Variants in DMRT2 observed in about 807,000 individuals in gnomAD.
The protein encoded by DMRT2 is doublesex- and mab-3-related transcription factor 2.
DMRT2 carries 33 observed loss-of-function variants against 43.5 expected under a neutral mutation model. The ratio of observed to expected loss-of-function variants is 0.76; its 90% CI spans 0.58 to 1.01. The LOEUF is 1.01. DMRT2 is among the 50% of genes least tolerant of loss of function. The pLI is 0.00. For synonymous variants in DMRT2, 395 were observed against 309.2 expected (o/e 1.28, Z -2.91); for missense variants, 1,064 against 748.0 (o/e 1.42, Z -4.93).
At chr9:1,055,639 T>TCGG (rs1821925993) in intron 3 of DMRT2, 1 of 1,306,500 alleles carries the variant, frequency 7.7e-7, no homozygotes, top group Admixed American at 3.4e-5. Flanking sequence ...CAATTTTCTA[T>TCGG]GCTTCTCTAT....
Position 1,056,899 on chromosome 9 carries a change from C to T in DMRT2, c.1312C>T (p.Pro438Ser), listed in dbSNP as rs779378470. ...CTCCCCACCCCGACGGAATTTCTCT[C>T]CCATTGTTGACACGGACTCCCTGGC... The part of the protein sequence containing the change: ...AFSPPRRNFS[P>S]IVDTDSLAAQ... Residue 438 changes from proline to serine, a missense_variant, in exon 4 of 4, where the codon CCC becomes TCC. Coordinates refer to ENST00000358146, the MANE Select transcript of DMRT2 (RefSeq NM_181872.6). 1.2e-6 allele frequency: 2 copies of T among 1,614,148 alleles called. No homozygotes were observed. The highest frequency in any genetic ancestry group is 8.5e-7 in the Non-Finnish European group (1 of 1,180,028).
chr9:1,054,703 G>A (rs1200796304), intron 3 of DMRT2: 3 of 151,522 alleles, frequency 2.0e-5, no homozygotes, highest in South Asian at 2.1e-4. Flanking sequence ...ATTTTTAACC[G>A]TTTCTCTTTA....
chr9:1,055,545 AT>A (rs34189983), intron 3 of DMRT2, among the ~76,000 whole-genome samples: 4 of 150,686 alleles, frequency 2.7e-5, no homozygotes, highest in East Asian at 3.9e-4. Context: ...ATTTTATTTT[AT>A]TTTTTTTTGT....
At chr9:1,052,219 C>T (rs1009119554) in intron 2 of DMRT2, 81 bp downstream of exon 2, 6 of 1,179,928 alleles carry the variant, frequency 5.1e-6, no homozygotes, top group Non-Finnish European at 6.5e-6. Flanking sequence ...CCGTCCACAC[C>T]CCCCGCGCCC....
intron 3 of DMRT2, among the ~76,000 whole-genome samples, chr9:1,054,362 G>C (rs6474552): frequency 0.71 from 107,453 of 151,826 alleles, 39,793 homozygotes; most frequent in African/African-American, 0.92. Flanking sequence ...CAGTAAAGCC[G>C]TTTAGTCTGG....
Position 1,056,929 on chromosome 9 carries a change from C to G in DMRT2, c.1342C>G (p.Gln448Glu). Residue 448 changes from glutamine (Q) to glutamate (E), a missense_variant, in exon 4 of 4, where the codon CAA (glutamine) becomes GAA (glutamate). Gln to Glu is a conservative substitution (Grantham distance 29). Coordinates refer to ENST00000358146, the MANE Select transcript of DMRT2 (RefSeq NM_181872.6). Reference sequence around the variant, plus strand: ...TGTTGACACGGACTCCCTGGCAGCTCAAGGGCATGTCTTAACGAAGATCAG... The same window carrying G: ...TGTTGACACGGACTCCCTGGCAGCTGAAGGGCATGTCTTAACGAAGATCAG... Reference protein sequence around the residue: ...PIVDTDSLAAQGHVLTKISKE... With the variant: ...PIVDTDSLAAEGHVLTKISKE... 6.2e-7 allele frequency: 1 copy of G among 1,614,146 alleles called. No homozygotes were observed. The highest frequency in any genetic ancestry group is 8.5e-7 in the Non-Finnish European group (1 of 1,180,036).
Position 1,056,407 on chromosome 9 carries a change from A to C in DMRT2, c.820A>C (p.Met274Leu), listed in dbSNP as rs751249241. The change falls in exon 4 of 4, where the codon ATG becomes CTG. Residue 274 changes from methionine to leucine, a missense_variant. Met to Leu is a conservative substitution (Grantham distance 15). Coordinates refer to ENST00000358146, the MANE Select transcript of DMRT2 (RefSeq NM_181872.6). ...TGCTGCTCTGTTTCTGCCCAACCGCATGGTGCCTGGACCTGACTACAATTC... is the reference window on the plus strand; with the variant it reads ...TGCTGCTCTGTTTCTGCCCAACCGCCTGGTGCCTGGACCTGACTACAATTC... Reference protein sequence around the residue: ...QAAALFLPNRMVPGPDYNSYK... With the variant: ...QAAALFLPNRLVPGPDYNSYK... 59 of 1,614,094 alleles carry C rather than the reference A, an allele frequency of 3.7e-5. No homozygotes were observed. The African/African-American group carries it at 7.2e-4, about 20-fold the overall frequency.
chr9:1,053,809 A>G lies in DMRT2; in HGVS notation c.613A>G (p.Lys205Glu), dbSNP rs1821781368. The G allele has an allele frequency of 3.1e-6, 5 of 1,614,100 alleles. No homozygotes were observed. In the East Asian group the frequency reaches 1.1e-4, roughly 36 times the overall value. ...AGTCAGAGCCCCCAGTTTGCTGGCC[A>G]AAAGCATTTTAGAAGGTAAAGCAAC... ...RQVRAPSLLA[K>E]SILEGYRPIP... is the part of the protein sequence containing the mutation. The change falls in exon 3 of 4, where the codon AAA (lysine) becomes GAA (glutamate). Residue 205 changes from lysine to glutamate, a missense_variant. Physicochemically the swap from Lys to Glu is moderately conservative, Grantham distance 56. Coordinates refer to ENST00000358146, the MANE Select transcript of DMRT2 (RefSeq NM_181872.6).
intron 3 of DMRT2, among the ~76,000 whole-genome samples, chr9:1,054,260 GCAAAA>G (rs1821816282): frequency 6.6e-6 from 1 of 152,194 alleles, no homozygotes; most frequent in Non-Finnish European, 1.5e-5. Flanking sequence ...CTTAAACAAA[GCAAAA>G]CAAAACAACA....
At position 1,051,830 on chromosome 9, in the gene DMRT2, G is replaced by T; in HGVS notation, c.217G>T (p.Gly73Trp). The T allele has an allele frequency of 6.9e-7, 1 of 1,446,572 alleles. No individual in the cohort carries two copies. Among genetic ancestry groups the T allele is most frequent in the East Asian group, 2.9e-5 (1 of 33,924 alleles). The allele number at this position is 1,446,572 out of a possible 1,614,324, so 89.6% of individuals were successfully genotyped here. The change falls in exon 2 of 4, where the codon GGG becomes TGG. Residue 73 changes from glycine (G) to tryptophan (W), a missense_variant. Physicochemically the swap from Gly to Trp is radical, Grantham distance 184. Coordinates refer to ENST00000358146, the MANE Select transcript of DMRT2 (RefSeq NM_181872.6). This position sits in a 1 kb window ranked among gnomAD's most constrained non-coding sequence, Gnocchi z 5.9. ...CGGCGAGGAGGCAGGCGCGTCCCCCGGGATGCCCGGCCAGCCGGAGCAGCG... is the reference window on the plus strand; with the variant it reads ...CGGCGAGGAGGCAGGCGCGTCCCCCTGGATGCCCGGCCAGCCGGAGCAGCG... ...GDGEEAGASPGMPGQPEQRGG... is the reference protein window; with the variant it reads ...GDGEEAGASPWMPGQPEQRGG...
At position 1,057,415 on chromosome 9, in the gene DMRT2, AAT is replaced by A; in HGVS notation, c.*145_*146del. On this transcript the variant is annotated 3_prime_UTR_variant, in exon 4 of 4. Coordinates refer to ENST00000358146, the MANE Select transcript of DMRT2 (RefSeq NM_181872.6). ...ATTTTGAAAAATTTTATATATTCCT[AAT>A]ATGCATGTACTTTTTCTTATCACAT... The A allele has an allele frequency of 1.2e-6, 1 of 860,252 alleles. No individual in the cohort carries two copies. 53.3% of individuals were successfully genotyped at this position (860,252 alleles called of 1,614,324 possible).
In DMRT2 at chr9:1,056,940, C is replaced by G; in HGVS notation, c.1353C>G (p.Val451=). Residue 451 remains valine, a synonymous_variant, in exon 4 of 4, where the codon GTC becomes GTG. Coordinates refer to ENST00000358146, the MANE Select transcript of DMRT2 (RefSeq NM_181872.6). ...DTDSLAAQGH[V]LTKISKENTR... is the part of the protein sequence containing the mutation. ...ACTCCCTGGCAGCTCAAGGGCATGT[C>G]TTAACGAAGATCAGCAAAGAAAACA... 6.2e-7 allele frequency: 1 copy of G among 1,614,196 alleles called. No individual in the cohort carries two copies.
At chr9:1,052,243 G>T in intron 2 of DMRT2, 105 bp downstream of exon 2, 2 of 875,448 alleles carry the variant, frequency 2.3e-6, no homozygotes, top group Non-Finnish European at 3.1e-6. Context: ...GCCTTGCGGT[G>T]CCTGGCACTC....
chr9:1,055,765 C>G (rs746320247), intron 3 of DMRT2: 3 of 1,501,472 alleles, frequency 2.0e-6, no homozygotes, highest in Non-Finnish European at 2.7e-6. Context: ...ACATAATGAA[C>G]CATCTTTAGA....
intron 3 of DMRT2, 155 bp from the exon 4 acceptor site, chr9:1,056,061 T>C: frequency 6.9e-7 from 1 of 1,445,126 alleles, no homozygotes; most frequent in African/African-American, 1.4e-5. Flanking sequence ...CTTTCAAACC[T>C]AATCTGTACT....
chr9:1,054,885 A>G (rs942566201), intron 3 of DMRT2, among the ~76,000 whole-genome samples: 1 of 151,732 alleles, frequency 6.6e-6, no homozygotes, highest in Non-Finnish European at 1.5e-5. Flanking sequence ...TGTGTCCTAT[A>G]AAAATTTTTA....
rs1724830600 is a variant in DMRT2, at chr9:1,057,088, A to G, written c.1501A>G (p.Lys501Glu). The change falls in exon 4 of 4, where the codon AAG becomes GAG. Residue 501 changes from lysine to glutamate, a missense_variant. Coordinates refer to ENST00000358146, the MANE Select transcript of DMRT2 (RefSeq NM_181872.6). ...CAAAGAGGCCTTTGAAGAGACCCCT[A>G]AGAAACACAGAGAGTGTTTAGTTAA... ...FVKEAFEETPKKHRECLVKDN... is the reference protein window; with the variant it reads ...FVKEAFEETPEKHRECLVKDN... 1 of 1,614,210 alleles carries G rather than the reference A, an allele frequency of 6.2e-7. No individual in the cohort carries two copies. The highest frequency in any genetic ancestry group is 8.5e-7 in the Non-Finnish European group (1 of 1,180,038).
chr9:1,053,921 C>A (rs980105440), intron 3 of DMRT2, 97 bp downstream of exon 3: 1 of 1,027,886 alleles, frequency 9.7e-7, no homozygotes, highest in Non-Finnish European at 1.4e-6. Context: ...AAAGAGCTAT[C>A]TAAAGGGAAA....
Position 1,057,164 on chromosome 9 carries a change from T to C in DMRT2, c.1577T>C (p.Phe526Ser), listed in dbSNP as rs746218872. The change falls in exon 4 of 4, where the codon TTT becomes TCT. Residue 526 changes from phenylalanine (F) to serine (S), a missense_variant. Phe to Ser is a radical substitution (Grantham distance 155). Transcript: ENST00000358146. ...ATAGATAGATGTGCAAAAGACCTTT[T>C]TGTAGCCAAACAAGTTGGAACAAAA... ...FTIDRCAKDL[F>S]VAKQVGTKLS... 17 of 1,614,006 alleles carry C rather than the reference T, an allele frequency of 1.1e-5. No individual in the cohort carries two copies. Among genetic ancestry groups the C allele is most frequent in the East Asian group, 4.5e-5 (2 of 44,876 alleles).
Sources: allele counts gnomAD v4.1 joint callset (sites outside exome capture counted in the v4.1 genomes callset), GRCh38; gene constraint gnomAD v4.1.1; non-coding constraint Gnocchi (gnomAD v3.1); transcripts MANE v1.5; gene names NCBI Gene and HGNC (gene_info 2026-07-23, HGNC 2026-07-21).